CA10: variants seen among roughly 807,000 people sequenced by gnomAD.
CA10 encodes carbonic anhydrase-related protein 10.
CA10 carries 14 observed loss-of-function variants against 44.2 expected under a neutral mutation model. The observed-to-expected ratio is 0.32, with a 90% CI of 0.21 to 0.50. The LOEUF is 0.50. CA10 is among the 20% of genes least tolerant of loss of function. CA10 has a pLI of 0.99. For missense variants in CA10, 350 were observed against 409.7 expected (o/e 0.85, Z 1.26); for synonymous variants, 159 against 141.6 (o/e 1.12, Z -0.87).
At chr17:51,972,526 G>A (rs903030991) in intron 2 of CA10, among the ~76,000 whole-genome samples, 9 of 151,950 alleles carry the variant, frequency 5.9e-5, no homozygotes, top group Non-Finnish European at 8.8e-5. Context: ...ATAGAGATTC[G>A]TAAGACTCCT....
chr17:52,046,759 C>G (rs1986923816), intron 2 of CA10, among the ~76,000 whole-genome samples: 1 of 151,732 alleles, frequency 6.6e-6, no homozygotes, highest in Non-Finnish European at 1.5e-5. Context: ...ACCAATATAC[C>G]TCTTTAACAT....
rs903868566 is a variant in CA10 at position 51,816,947 on chromosome 17, T to C, written c.280-69129A>G. Among the ~76,000 whole-genome samples, 3 of 152,318 alleles carry C rather than the reference T, an allele frequency of 2.0e-5. No homozygotes were observed. The East Asian group carries it at 5.8e-4, about 29-fold the overall frequency. ...CCACCAAAGTCCTGTCATCCCACAT[T>C]GGGCTATAGTATAAGCAAGGAATAA... On this transcript the variant is annotated intron_variant, in intron 3 of 8. Coordinates refer to ENST00000451037, the MANE Select transcript of CA10 (RefSeq NM_020178.5).
intron 2 of CA10, among the ~76,000 whole-genome samples, chr17:52,049,519 C>T (rs1483830730): frequency 6.6e-5 from 10 of 152,094 alleles, no homozygotes; most frequent in Non-Finnish European, 8.8e-5. Context: ...TCACATAGTC[C>T]TATATTAATG....
chr17:51,643,611 AATC>A, intron 6 of CA10, among the ~76,000 whole-genome samples: 1 of 152,282 alleles, frequency 6.6e-6, no homozygotes, highest in East Asian at 1.9e-4. Flanking sequence ...AATCTCATTA[AATC>A]ATCACCATCC....
chr17:52,016,034 T>C (rs1985958278), intron 2 of CA10, among the ~76,000 whole-genome samples: 1 of 152,042 alleles, frequency 6.6e-6, no homozygotes, highest in Non-Finnish European at 1.5e-5. Context: ...TCTGCTCACC[T>C]TGGAGTAGAC....
intron 3 of CA10, among the ~76,000 whole-genome samples, chr17:51,794,276 A>G (rs1906628545): frequency 6.6e-6 from 1 of 152,322 alleles, no homozygotes; most frequent in Non-Finnish European, 1.5e-5. Flanking sequence ...GCTCCCATGT[A>G]TAGACAGGGG....
At chr17:51,865,629 G>T (rs1979512860) in intron 3 of CA10, among the ~76,000 whole-genome samples, 1 of 152,144 alleles carries the variant, frequency 6.6e-6, no homozygotes, top group Admixed American at 6.5e-5. Context: ...TTCAACCCTT[G>T]ATGTATCCCT....
intron 3 of CA10, among the ~76,000 whole-genome samples, chr17:51,791,818 A>G (rs867203898): frequency 6.6e-6 from 1 of 152,128 alleles, no homozygotes; most frequent in Non-Finnish European, 1.5e-5. Flanking sequence ...GCTTTTGAAG[A>G]CCCTGTAAAT....
chr17:51,945,504 G>A (rs887206362), intron 2 of CA10, among the ~76,000 whole-genome samples: 3 of 152,250 alleles, frequency 2.0e-5, no homozygotes, highest in African/African-American at 7.2e-5. Context: ...AGGGGGCTGA[G>A]GCTCTTGCAT....
chr17:52,065,158 G>T (rs1241550622), intron 2 of CA10, among the ~76,000 whole-genome samples: 2 of 152,114 alleles, frequency 1.3e-5, no homozygotes, highest in African/African-American at 2.4e-5. Flanking sequence ...TAAACAGCTG[G>T]TCTAAGATGA....
rs1042534180 is a variant in CA10 at position 52,020,385 on chromosome 17, T to A, written c.136+51934A>T. 2.6e-5 allele frequency among the ~76,000 whole-genome samples: 4 copies of A among 152,130 alleles called. No individual in the cohort carries two copies. In the East Asian group the frequency reaches 7.8e-4, roughly 29 times the overall value. On this transcript the variant is annotated intron_variant, in intron 2 of 8. Coordinates refer to ENST00000451037, the MANE Select transcript of CA10 (RefSeq NM_020178.5). Reference sequence around the variant, plus strand: ...ATATTAGTAGCATCATATTTTAATATCACTTTATAGGGTCAATATTAATTT... The same window carrying A: ...ATATTAGTAGCATCATATTTTAATAACACTTTATAGGGTCAATATTAATTT...
At chr17:51,801,311 T>C (rs1410952439) in intron 3 of CA10, among the ~76,000 whole-genome samples, 7 of 152,110 alleles carry the variant, frequency 4.6e-5, no homozygotes, top group Non-Finnish European at 1.0e-4. Context: ...CCATCCAACT[T>C]GTGGTCGTCA....
intron 1 of CA10, among the ~76,000 whole-genome samples, chr17:52,118,873 T>C (rs1343694375): frequency 6.6e-6 from 1 of 152,172 alleles, no homozygotes; most frequent in African/African-American, 2.4e-5. Flanking sequence ...CAAAAGATGG[T>C]TTATAATCAG....
chr17:52,030,906 T>C (rs1007080752), intron 2 of CA10, among the ~76,000 whole-genome samples: 2 of 152,244 alleles, frequency 1.3e-5, no homozygotes, highest in African/African-American at 4.8e-5. Context: ...CTTCCTTAGA[T>C]CTAAGGCCTT....
At chr17:51,967,935 T>C (rs1598144931) in intron 2 of CA10, among the ~76,000 whole-genome samples, 1 of 151,840 alleles carries the variant, frequency 6.6e-6, no homozygotes, top group Admixed American at 6.6e-5. Context: ...TGATGAGATA[T>C]CATTCCTGTG....
intron 3 of CA10, among the ~76,000 whole-genome samples, chr17:51,923,923 A>T (rs899305965): frequency 6.6e-6 from 1 of 152,156 alleles, no homozygotes; most frequent in African/African-American, 2.4e-5. Context: ...CAGCGCTGTC[A>T]TGGATAACCC....
intron 2 of CA10, among the ~76,000 whole-genome samples, chr17:52,020,105 T>G (rs1367141226): frequency 6.6e-6 from 1 of 152,054 alleles, no homozygotes; most frequent in Admixed American, 6.6e-5. Flanking sequence ...AATTTAGAAC[T>G]GTTATATCTT....
At chr17:51,868,380 T>C (rs1979645922) in intron 3 of CA10, among the ~76,000 whole-genome samples, 1 of 152,136 alleles carries the variant, frequency 6.6e-6, no homozygotes, top group Non-Finnish European at 1.5e-5. Flanking sequence ...AACTGACCTA[T>C]TGCTTAGAAG....
intron 3 of CA10, among the ~76,000 whole-genome samples, chr17:51,792,701 G>A (rs1906566731): frequency 6.6e-6 from 1 of 152,182 alleles, no homozygotes; most frequent in African/African-American, 2.4e-5. Flanking sequence ...CAGTAGAGAG[G>A]CTGGTCTGCA....
Sources: allele counts gnomAD v4.1 joint callset (sites outside exome capture counted in the v4.1 genomes callset), GRCh38; gene constraint gnomAD v4.1.1; transcripts MANE v1.5; gene names NCBI Gene and HGNC (gene_info 2026-07-23, HGNC 2026-07-21).